The following FYB1 variants were observed in gnomAD, a reference collection of about 807,000 sequenced individuals.
FYB1 encodes FYN binding protein 1.
A neutral mutation model predicts 94.1 loss-of-function variants in FYB1; 41 were observed. That is an observed-to-expected ratio of 0.44 (90% CI 0.34 to 0.57). FYB1 has a LOEUF of 0.57. Ranked by LOEUF, FYB1 falls within the 20% of genes least tolerant of loss-of-function variation. The pLI is 0.02. For synonymous variants in FYB1, 367 were observed against 353.2 expected (o/e 1.04, Z -0.44); for missense variants, 1,050 against 976.8 (o/e 1.07, Z -1.00).
intron 13 of FYB1, among the ~76,000 whole-genome samples, chr5:39,123,374 T>G (rs1740311763): frequency 6.6e-6 from 1 of 152,188 alleles, no homozygotes; most frequent in South Asian, 2.1e-4. Context: ...TCCGTGCACA[T>G]GCACTTAAAA....
chr5:39,238,671 A>G (rs1187626079), intron 1 of FYB1, among the ~76,000 whole-genome samples: 1 of 152,114 alleles, frequency 6.6e-6, no homozygotes, highest in Non-Finnish European at 1.5e-5. Flanking sequence ...AATCTCTACA[A>G]CAGCCAGCAT....
chr5:39,235,005 A>G (rs1478520850), intron 1 of FYB1, among the ~76,000 whole-genome samples: 3 of 151,970 alleles, frequency 2.0e-5, no homozygotes, highest in African/African-American at 4.8e-5. Flanking sequence ...GTGTATACCT[A>G]TGTAACAAAC....
At chr5:39,273,753 A>C (rs1346301939) in intron 1 of FYB1, among the ~76,000 whole-genome samples, 1 of 152,156 alleles carries the variant, frequency 6.6e-6, no homozygotes, top group Non-Finnish European at 1.5e-5. Context: ...GTACTCACTG[A>C]AGGTGGTGGC....
At chr5:39,270,434 G>T (rs1752624879) in intron 1 of FYB1, 4 of 700,248 alleles carry the variant, frequency 5.7e-6, no homozygotes, top group Non-Finnish European at 9.1e-6. Context: ...TCAGCACAAG[G>T]AAAAAGTGGC....
At chr5:39,214,328 T>C (rs1202371685) in intron 1 of FYB1, among the ~76,000 whole-genome samples, 2 of 152,228 alleles carry the variant, frequency 1.3e-5, no homozygotes, top group African/African-American at 4.8e-5. Context: ...GAAAACAGTA[T>C]GGTGGTTATT....
chr5:39,270,036 C>G (rs1239044595), intron 1 of FYB1, among the ~76,000 whole-genome samples: 1 of 152,166 alleles, frequency 6.6e-6, no homozygotes, highest in Admixed American at 6.5e-5. Context: ...ATAATGACTT[C>G]CCATTAATTT....
intron 1 of FYB1, among the ~76,000 whole-genome samples, chr5:39,242,813 C>G (rs1358572891): frequency 6.6e-6 from 1 of 152,174 alleles, no homozygotes; most frequent in East Asian, 1.9e-4. Flanking sequence ...TGTTTCCTGA[C>G]TTTTTAATGA....
At chr5:39,192,428 A>G in intron 2 of FYB1, among the ~76,000 whole-genome samples, 1 of 152,220 alleles carries the variant, frequency 6.6e-6, no homozygotes, top group African/African-American at 2.4e-5. Context: ...TATTTATTTC[A>G]GCAACTGTAA....
At chr5:39,236,595 G>C (rs142411914) in intron 1 of FYB1, among the ~76,000 whole-genome samples, 5 of 152,188 alleles carry the variant, frequency 3.3e-5, no homozygotes, top group South Asian at 2.1e-4. Flanking sequence ...TCTCATCATA[G>C]TTTAAAAGAT....
intron 1 of FYB1, among the ~76,000 whole-genome samples, chr5:39,208,012 A>G (rs1749015436): frequency 6.6e-6 from 1 of 152,228 alleles, no homozygotes. Flanking sequence ...CTTACCAGGA[A>G]GTCTGCTTTT....
rs780226272 is a variant in FYB1 at position 39,153,633 on chromosome 5, A to C, written c.1136-29T>G. 5 of 1,563,576 alleles carry C rather than the reference A, an allele frequency of 3.2e-6. No individual in the cohort carries two copies. In the South Asian group the frequency reaches 5.9e-5, roughly 19 times the overall value. Reference sequence around the variant, plus strand: ...AGAAGCAAAGCAAACAATACCATGAATTAAGACAAATCTTCAAAAAGAAGA... The same window carrying C: ...AGAAGCAAAGCAAACAATACCATGACTTAAGACAAATCTTCAAAAAGAAGA... On this transcript the variant is annotated intron_variant, in intron 2 of 18. Transcript: ENST00000512982.
chr5:39,169,446 A>G (rs1580448026), intron 2 of FYB1: 5 of 729,824 alleles, frequency 6.9e-6, no homozygotes, highest in South Asian at 6.7e-5. Context: ...AACATTTCAC[A>G]GAAGAGTGCC....
At chr5:39,212,008 A>G (rs1481009593) in intron 1 of FYB1, among the ~76,000 whole-genome samples, 1 of 152,202 alleles carries the variant, frequency 6.6e-6, no homozygotes, top group Non-Finnish European at 1.5e-5. Context: ...GCTAACCAAG[A>G]CAGGTGGCAG....
intron 1 of FYB1, among the ~76,000 whole-genome samples, chr5:39,243,495 T>G (rs1222480291): frequency 6.6e-6 from 1 of 151,994 alleles, no homozygotes; most frequent in Non-Finnish European, 1.5e-5. Flanking sequence ...GTTCCATTGG[T>G]CTATATCTCT....
rs1760393558 is a variant in FYB1 at position 39,106,631 on chromosome 5, G to A, written c.*812C>T. 6.6e-6 allele frequency: 1 copy of A among 151,994 alleles called. No individual in the cohort carries two copies. Among genetic ancestry groups the A allele is most frequent in the African/African-American group, 2.4e-5 (1 of 41,396 alleles). 9.4% of individuals were successfully genotyped at this position (151,994 alleles called of 1,614,324 possible). ...AGAGGTGCCATGCATAAAAGCCTAG[G>A]TAGTTTCAAGGTCCATTCTTCCATT... On this transcript the variant is annotated 3_prime_UTR_variant, in exon 19 of 19. Coordinates refer to ENST00000512982, the MANE Select transcript of FYB1 (RefSeq NM_001465.6).
intron 2 of FYB1, chr5:39,170,078 T>C: frequency 2.4e-6 from 2 of 832,506 alleles, no homozygotes; most frequent in South Asian, 2.6e-5. Flanking sequence ...ACTTTCACAT[T>C]TGCAGTGCCA....
intron 1 of FYB1, among the ~76,000 whole-genome samples, chr5:39,216,775 A>G (rs546049743): frequency 3.9e-5 from 6 of 152,320 alleles, no homozygotes; most frequent in South Asian, 2.1e-4. Context: ...TGAGTTAGGC[A>G]TTGGTCACAG....
chr5:39,135,678 A>G (rs1410923960), intron 7 of FYB1, among the ~76,000 whole-genome samples: 1 of 152,218 alleles, frequency 6.6e-6, no homozygotes, highest in African/African-American at 2.4e-5. Context: ...CGACTTTTGA[A>G]GAAGCTCTAC....
upstream of FYB1, among the ~76,000 whole-genome samples, chr5:39,222,719 A>C (rs1181539701): frequency 6.6e-6 from 1 of 152,218 alleles, no homozygotes; most frequent in Non-Finnish European, 1.5e-5. Flanking sequence ...GGAAGTATAG[A>C]TACTTGCTCA....
Sources: allele counts gnomAD v4.1 joint callset (sites outside exome capture counted in the v4.1 genomes callset), GRCh38; gene constraint gnomAD v4.1.1; transcripts MANE v1.5; gene names NCBI Gene and HGNC (gene_info 2026-07-23, HGNC 2026-07-21).